FBXW10: variants seen among roughly 807,000 people sequenced by gnomAD.
FBXW10 encodes F-box/WD repeat-containing protein 10.
FBXW10 carries 68 observed loss-of-function variants against 113.1 expected under a neutral mutation model. That is an observed-to-expected ratio of 0.60 (90% CI 0.49 to 0.74). The LOEUF (loss-of-function observed/expected upper bound fraction) is 0.74, where lower values mean the gene tolerates loss of function less well. FBXW10 is among the 30% of genes least tolerant of loss of function. The pLI, the probability that FBXW10 is intolerant of heterozygous loss-of-function variation, is 0.00. For synonymous variants in FBXW10, 289 were observed against 481.6 expected, an observed-to-expected ratio of 0.60 and a Z score of 5.24; for missense variants, 753 against 1,284.5, an observed-to-expected ratio of 0.59 and a Z score of 6.32.
At chr17:18,773,074 A>G (rs892211503) in intron 12 of FBXW10, among the ~76,000 whole-genome samples, 1 of 151,758 alleles carries the variant, frequency 6.6e-6, no homozygotes, top group African/African-American at 2.4e-5. Context: ...GATTACAGGC[A>G]TGCACCACCA....
chr17:18,756,174 T>A lies in FBXW10; in HGVS notation c.1232+20T>A, dbSNP rs761389563. The A allele has an allele frequency of 4.4e-6, 7 of 1,607,534 alleles. No homozygotes were observed. The highest frequency in any genetic ancestry group is 6.0e-6 in the Non-Finnish European group (7 of 1,175,364). On this transcript the variant is annotated intron_variant, in intron 6 of 13. Coordinates refer to ENST00000395665, the MANE Select transcript of FBXW10 (RefSeq NM_001267585.2). ...TGACACGTAGGTACTGGGGTCAGAA[T>A]CTGGGTCTCTAGGGATGCTTGAGTT... is the stretch of plus-strand genomic sequence containing the variant.
intron 7 of FBXW10, among the ~76,000 whole-genome samples, chr17:18,760,595 G>A (rs1196385047): frequency 6.6e-6 from 1 of 152,172 alleles, no homozygotes; most frequent in Non-Finnish European, 1.5e-5. Context: ...TCTGAGGTCG[G>A]GAGTTTGAGA....
At chr17:18,749,105 C>A (rs1414078079) in intron 2 of FBXW10, among the ~76,000 whole-genome samples, 1 of 152,132 alleles carries the variant, frequency 6.6e-6, no homozygotes, top group East Asian at 1.9e-4. Flanking sequence ...ATTTCCCCCC[C>A]TTTCTTAAGT....
Position 18,749,374 on chromosome 17 carries a change from TA to T in FBXW10, c.671-334del, listed in dbSNP as rs10580273. On this transcript the variant is annotated intron_variant, in intron 2 of 13. Transcript: ENST00000395665. ...TAACACGGTGAAACCCCGCCTCTAC[TA>T]AAAAAAAAAAAAATACAAAAAATTA... Among the ~76,000 whole-genome samples, 1,144 of 147,764 alleles carry T rather than the reference TA, an allele frequency of 7.7e-3. 12 individuals are homozygous for T. Among genetic ancestry groups the T allele is most frequent in the African/African-American group, 0.025 (1,006 of 40,202 alleles).
At chr17:18,777,434 C>G (rs2035723142) in intron 13 of FBXW10, among the ~76,000 whole-genome samples, 1 of 151,960 alleles carries the variant, frequency 6.6e-6, no homozygotes, top group Admixed American at 6.6e-5. Flanking sequence ...AGGTAAAGAT[C>G]AAATTTTGCA....
At position 18,770,014 on chromosome 17, in the gene FBXW10, G is replaced by A. The variant is rs1307849979; in HGVS notation, c.1935G>A (p.Gly645=). ...TCCGAATTTACAATTTCCTCAACGG[G>A]AACTGTATGAAGGTGTTAAAAGCCA... ...GKIRIYNFLN[G]NCMKVLKANG... is the part of the protein sequence containing the mutation. Residue 645 remains glycine, a synonymous_variant, in exon 11 of 14, where the codon GGG becomes GGA. Coordinates refer to ENST00000395665, the MANE Select transcript of FBXW10 (RefSeq NM_001267585.2). 2 of 1,614,204 alleles carry A rather than the reference G, an allele frequency of 1.2e-6. No homozygotes were observed. Among genetic ancestry groups the A allele is most frequent in the African/African-American group, 2.7e-5 (2 of 75,040 alleles).
chr17:18,774,883 A>T (rs2035675386), intron 12 of FBXW10, among the ~76,000 whole-genome samples: 1 of 152,240 alleles, frequency 6.6e-6, no homozygotes, highest in South Asian at 2.1e-4. Context: ...TGTTCCCAAC[A>T]CAAAGAGATG....
At chr17:18,763,640 C>T (rs1284862274) in intron 7 of FBXW10, among the ~76,000 whole-genome samples, 5 of 152,106 alleles carry the variant, frequency 3.3e-5, no homozygotes, top group Non-Finnish European at 5.9e-5. Flanking sequence ...CTACCTGAAG[C>T]GGAAGCATCA....
At chr17:18,764,718 A>G (rs1302374789) in intron 7 of FBXW10, 24 bp from the exon 8 acceptor site, 7 of 1,613,488 alleles carry the variant, frequency 4.3e-6, no homozygotes, top group East Asian at 2.2e-5. Context: ...GAACTCTCAC[A>G]TTCTTTTGGC....
chr17:18,776,147 C>T (rs1192728653), intron 13 of FBXW10, among the ~76,000 whole-genome samples: 2 of 151,948 alleles, frequency 1.3e-5, no homozygotes, highest in East Asian at 1.9e-4. Context: ...GGTGAAACCC[C>T]ATCTCTACTA....
intron 6 of FBXW10, among the ~76,000 whole-genome samples, chr17:18,758,076 T>C (rs2151804776): frequency 6.6e-6 from 1 of 152,334 alleles, no homozygotes; most frequent in South Asian, 2.1e-4. Context: ...AAAATTGCCT[T>C]GTGTCTCTAG....
At chr17:18,754,177 C>T (rs2035219604) in intron 5 of FBXW10, among the ~76,000 whole-genome samples, 1 of 151,426 alleles carries the variant, frequency 6.6e-6, no homozygotes, top group African/African-American at 2.4e-5. Context: ...CACAGCTGGG[C>T]AGTGGCAGAG....
At chr17:18,744,912 C>T (rs1217635489) in intron 1 of FBXW10, 163 bp downstream of exon 1, 1 of 1,458,248 alleles carries the variant, frequency 6.9e-7, no homozygotes, top group African/African-American at 1.4e-5. Context: ...ACACCCGATC[C>T]TGTTTACCAA....
chr17:18,748,130 C>G (rs756800959), intron 2 of FBXW10, 25 bp downstream of exon 2: 14 of 1,613,478 alleles, frequency 8.7e-6, no homozygotes, highest in Non-Finnish European at 1.1e-5. Flanking sequence ...AGCAAGAAAG[C>G]CAATATGGGC....
At chr17:18,755,239 G>A (rs531213725) in intron 5 of FBXW10, among the ~76,000 whole-genome samples, 7 of 151,758 alleles carry the variant, frequency 4.6e-5, no homozygotes, top group Admixed American at 1.3e-4. Flanking sequence ...CTCCAGCCTG[G>A]GTGAGAAGAG....
chr17:18,778,570 T>C lies in FBXW10; in HGVS notation c.2431T>C (p.Ser811Pro), dbSNP rs377068064. The C allele has an allele frequency of 1.5e-4, 241 of 1,613,892 alleles. No homozygotes were observed. Among genetic ancestry groups the C allele is most frequent in the Middle Eastern group, 6.6e-4 (4 of 6,076 alleles). Reference sequence around the variant, plus strand: ...GAAAAAGTCTTGGAAAATCCCTATGTCACCTGACCAATTCCTCCTGACTGT... The same window carrying C: ...GAAAAAGTCTTGGAAAATCCCTATGCCACCTGACCAATTCCTCCTGACTGT... ...PKKKSWKIPM[S>P]PDQFLLTVSA... is the part of the protein sequence containing the mutation. The change falls in exon 14 of 14, where the codon TCA becomes CCA. Residue 811 changes from serine (S) to proline (P), a missense_variant. Transcript: ENST00000395665.
rs755751288 is a variant in FBXW10, at chr17:18,770,040, A to G, written c.1961A>G (p.Asn654Ser). 5.0e-6 allele frequency: 8 copies of G among 1,614,094 alleles called. No homozygotes were observed. Among genetic ancestry groups the G allele is most frequent in the Middle Eastern group, 1.6e-4 (1 of 6,084 alleles). ...AACTGTATGAAGGTGTTAAAAGCCA[A>G]TGGCAGAGGTGATCCTGTGCTGTCC... is the stretch of plus-strand genomic sequence containing the variant. ...NGNCMKVLKANGRGDPVLSFF... is the reference protein window; with the variant it reads ...NGNCMKVLKASGRGDPVLSFF... Residue 654 changes from asparagine (N) to serine (S), a missense_variant, in exon 11 of 14, where the codon AAT becomes AGT. By Grantham distance (46) the Asn-to-Ser change is conservative (BLOSUM62 1). Transcript: ENST00000395665.
chr17:18,762,232 G>C (rs920128784), intron 7 of FBXW10, among the ~76,000 whole-genome samples: 24 of 151,160 alleles, frequency 1.6e-4, no homozygotes, highest in African/African-American at 5.8e-4. Flanking sequence ...AAAGTGCTGG[G>C]ATTACTGGCG....
chr17:18,758,389 C>T lies in FBXW10; in HGVS notation c.1317C>T (p.Ile439=). Residue 439 remains isoleucine, a synonymous_variant, in exon 7 of 14, where the codon ATC becomes ATT. Coordinates refer to ENST00000395665, the MANE Select transcript of FBXW10 (RefSeq NM_001267585.2). ...ATCGAAAGATCCATCTTCTGGACATCATACAAGTGAAAGCGATACCCGTTG... is the reference window on the plus strand; with the variant it reads ...ATCGAAAGATCCATCTTCTGGACATTATACAAGTGAAAGCGATACCCGTTG... The part of the protein sequence containing the change: ...SSNRKIHLLD[I]IQVKAIPVEF... 6.2e-7 allele frequency: 1 copy of T among 1,609,768 alleles called. No individual in the cohort carries two copies. Among genetic ancestry groups the T allele is most frequent in the South Asian group, 1.1e-5 (1 of 90,906 alleles).
Sources: gnomAD v4.1 joint callset for allele counts (sites outside exome capture counted in the v4.1 genomes callset) on GRCh38, gnomAD v4.1.1 for gene constraint, MANE v1.5 for transcripts, NCBI Gene and HGNC (gene_info 2026-07-23, HGNC 2026-07-21) for gene names.